PIK3AP1: variants seen among roughly 807,000 people sequenced by gnomAD.
PIK3AP1 encodes the protein phosphoinositide-3-kinase adaptor protein 1, also known as phosphoinositide 3-kinase adapter protein 1.
A neutral mutation model predicts 88.1 loss-of-function variants in PIK3AP1; 21 were observed. That is an observed-to-expected ratio of 0.24 (90% CI 0.17 to 0.34). The LOEUF (loss-of-function observed/expected upper bound fraction) is 0.34. Among genes scored for constraint, PIK3AP1 ranks in the 10% least tolerant of loss-of-function variants. The probability of loss-of-function intolerance (pLI) is 1.00; values close to 1 mark genes in which losing one functional copy is unlikely to be tolerated. For synonymous variants in PIK3AP1, 398 were observed against 400.0 expected (o/e 1.00, Z 0.06); for missense variants, 828 against 1,035.7 (o/e 0.80, Z 2.75).
chr10:96,707,649 A>G (rs1378586792), intron 2 of PIK3AP1, among the ~76,000 whole-genome samples: 1 of 152,186 alleles, frequency 6.6e-6, no homozygotes, highest in Non-Finnish European at 1.5e-5. Flanking sequence ...TGAGATGCCC[A>G]GTCAGTGGCA....
chr10:96,685,358 A>C (rs537561092), intron 2 of PIK3AP1, among the ~76,000 whole-genome samples: 1 of 152,298 alleles, frequency 6.6e-6, no homozygotes, highest in South Asian at 2.1e-4. Context: ...CAGGTCCACA[A>C]AGCTGGGAGG....
intron 2 of PIK3AP1, among the ~76,000 whole-genome samples, chr10:96,678,893 G>A (rs1319642944): frequency 1.3e-5 from 2 of 152,176 alleles, no homozygotes; most frequent in Non-Finnish European, 2.9e-5. Flanking sequence ...TGTAGGGGAA[G>A]AGGAGAGCGA....
intron 4 of PIK3AP1, among the ~76,000 whole-genome samples, 171 bp from the exon 5 acceptor site, chr10:96,651,822 G>A (rs573699604): frequency 6.6e-6 from 1 of 152,250 alleles, no homozygotes; most frequent in East Asian, 1.9e-4. Context: ...GGAGGTAGCA[G>A]GTGAGCAAAC....
intron 13 of PIK3AP1, among the ~76,000 whole-genome samples, chr10:96,610,291 G>T (rs763457136): frequency 1.8e-4 from 28 of 152,262 alleles, no homozygotes; most frequent in African/African-American, 6.7e-4. Context: ...ATAACAGGCT[G>T]CCCTATGCAC....
intron 2 of PIK3AP1, 138 bp downstream of exon 2, chr10:96,709,429 A>T: frequency 9.6e-7 from 1 of 1,042,870 alleles, no homozygotes; most frequent in Non-Finnish European, 1.4e-6. Context: ...CCCCAGAAAT[A>T]GGCTGCTCTA....
At chr10:96,609,996 G>A in intron 13 of PIK3AP1, 129 bp from the exon 14 acceptor site, 2 of 1,185,030 alleles carry the variant, frequency 1.7e-6, no homozygotes, top group Admixed American at 4.2e-5. Flanking sequence ...GAAGGGAAAA[G>A]ACGATGGGAG....
intron 2 of PIK3AP1, chr10:96,669,735 G>C (rs1377840185): frequency 6.6e-6 from 1 of 152,396 alleles, no homozygotes; most frequent in Non-Finnish European, 1.5e-5. Flanking sequence ...ACTCCAGCCT[G>C]GGTGACAGAG....
At chr10:96,653,870 G>C (rs1843578455) in intron 3 of PIK3AP1, among the ~76,000 whole-genome samples, 1 of 152,188 alleles carries the variant, frequency 6.6e-6, no homozygotes, top group Non-Finnish European at 1.5e-5. Flanking sequence ...TTCAGAATTG[G>C]ACATCTTTTT....
At chr10:96,652,043 T>C (rs72821008) in intron 4 of PIK3AP1, among the ~76,000 whole-genome samples, 5,860 of 152,030 alleles carry the variant, frequency 0.039, 158 homozygotes, top group Middle Eastern at 0.1. Context: ...TTCTGCCACA[T>C]TGGGGCAGCT....
At chr10:96,609,989 G>A (rs1849080909) in intron 13 of PIK3AP1, 122 bp from the exon 14 acceptor site, 2 of 1,262,530 alleles carry the variant, frequency 1.6e-6, no homozygotes, top group East Asian at 4.7e-5. Context: ...GGAAGGGGAA[G>A]GGAAAAGACG....
intron 8 of PIK3AP1, among the ~76,000 whole-genome samples, chr10:96,636,372 T>A (rs959090725): frequency 3.9e-5 from 6 of 152,236 alleles, no homozygotes; most frequent in Non-Finnish European, 8.8e-5. Flanking sequence ...GCACATATTA[T>A]CTTTGTAATA....
chr10:96,645,412 G>C, intron 8 of PIK3AP1, 61 bp downstream of exon 8: 1 of 1,566,030 alleles, frequency 6.4e-7, no homozygotes, highest in Non-Finnish European at 8.7e-7. Flanking sequence ...ATCTTCATCC[G>C]GAATGAAAAA....
intron 16 of PIK3AP1, among the ~76,000 whole-genome samples, chr10:96,601,896 T>C (rs1848903457): frequency 6.6e-6 from 1 of 152,072 alleles, no homozygotes; most frequent in South Asian, 2.1e-4. Flanking sequence ...GTACTTATTC[T>C]TTTTTTTGAG....
chr10:96,606,575 C>T (rs1849006172), intron 14 of PIK3AP1, among the ~76,000 whole-genome samples: 1 of 152,232 alleles, frequency 6.6e-6, no homozygotes, highest in Non-Finnish European at 1.5e-5. Flanking sequence ...CTTGCCCAAT[C>T]CCCTCTAGGC....
At chr10:96,616,845 C>T in intron 12 of PIK3AP1, 134 bp from the exon 13 acceptor site, 1 of 812,264 alleles carries the variant, frequency 1.2e-6, no homozygotes, top group African/African-American at 1.7e-5. Context: ...GCAAATGAGG[C>T]TCAGCGCATT....
chr10:96,653,922 G>C (rs1452244573), intron 3 of PIK3AP1, among the ~76,000 whole-genome samples: 1 of 152,192 alleles, frequency 6.6e-6, no homozygotes, highest in Non-Finnish European at 1.5e-5. Flanking sequence ...CCCTGCTCTG[G>C]ACCAGTCCTG....
intron 2 of PIK3AP1, chr10:96,700,991 G>C (rs78239272): frequency 0.014 from 9,378 of 685,942 alleles, 71 homozygotes; most frequent in Middle Eastern, 0.022. Flanking sequence ...GAGCTACCGC[G>C]GGCTCCTGTG....
intron 2 of PIK3AP1, among the ~76,000 whole-genome samples, chr10:96,667,039 T>G (rs1843773081): frequency 6.6e-6 from 1 of 152,234 alleles, no homozygotes; most frequent in Non-Finnish European, 1.5e-5. Context: ...TTCCGAGCAA[T>G]GCTGCCCTGG....
chr10:96,712,220 G>T (rs1374751437), intron 1 of PIK3AP1, among the ~76,000 whole-genome samples: 2 of 152,140 alleles, frequency 1.3e-5, no homozygotes, highest in Admixed American at 6.6e-5. Context: ...TTGAAGGGAA[G>T]GTGTACAAAT....
Sources: gnomAD v4.1 joint callset for allele counts (sites outside exome capture counted in the v4.1 genomes callset) on GRCh38, gnomAD v4.1.1 for gene constraint, MANE v1.5 for transcripts, NCBI Gene and HGNC (gene_info 2026-07-23, HGNC 2026-07-21) for gene names.